The following SIDT1 variants were observed in gnomAD, a reference collection of about 807,000 sequenced individuals.
SIDT1 encodes the protein SID1 transmembrane family member 1, also known as SID1 transmembrane family, member 1.
A neutral mutation model predicts 107.5 loss-of-function variants in SIDT1; 101 were observed. The ratio of observed to expected loss-of-function variants is 0.94; its 90% confidence interval spans 0.80 to 1.11. SIDT1 has a LOEUF of 1.11. Ranked by LOEUF, SIDT1 falls within the 50% of genes least tolerant of loss-of-function variation. SIDT1 has a pLI of 0.00. For synonymous variants in SIDT1, 395 were observed against 398.2 expected (o/e 0.99, Z 0.10); for missense variants, 1,076 against 1,058.2 (o/e 1.02, Z -0.23).
At chr3:113,585,405 T>C (rs1401294786) in intron 9 of SIDT1, 135 bp downstream of exon 9, 1 of 690,712 alleles carries the variant, frequency 1.4e-6, no homozygotes, top group African/African-American at 1.8e-5. Context: ...GGATACCTTG[T>C]GACCTTGGAG....
intron 1 of SIDT1, among the ~76,000 whole-genome samples, chr3:113,563,182 A>G (rs188432617): frequency 6.6e-6 from 1 of 152,360 alleles, no homozygotes; most frequent in Admixed American, 6.5e-5. Flanking sequence ...AAGGCACAGA[A>G]GACATCAAGA....
At chr3:113,542,320 T>C (rs1432923868) in intron 1 of SIDT1, among the ~76,000 whole-genome samples, 1 of 152,228 alleles carries the variant, frequency 6.6e-6, no homozygotes, top group African/African-American at 2.4e-5. Context: ...GTTTTTAGTA[T>C]TAGTTTGTTC....
intron 20 of SIDT1, among the ~76,000 whole-genome samples, chr3:113,618,556 G>C (rs1305659568): frequency 6.6e-6 from 1 of 152,222 alleles, no homozygotes; most frequent in African/African-American, 2.4e-5. Flanking sequence ...GAGTGTTACT[G>C]TTGCTCCACA....
At chr3:113,631,621 T>C (rs1260632313), downstream of SIDT1, among the ~76,000 whole-genome samples, 1 of 152,226 alleles carries the variant, frequency 6.6e-6, no homozygotes, top group East Asian at 1.9e-4. Flanking sequence ...TGTTAAATCT[T>C]AGGCCTTAAC....
At chr3:113,584,822 T>C in intron 8 of SIDT1, 53 bp downstream of exon 8, 1 of 1,255,800 alleles carries the variant, frequency 8.0e-7, no homozygotes. Flanking sequence ...AGAAAATCAG[T>C]CATATAATTT....
chr3:113,533,078 G>A lies in SIDT1; in HGVS notation c.57G>A (p.Ala19=). The stretch of plus-strand genomic sequence containing the variant: ...GCGCGCTGCCCTGGCTCCTGCTGGC[G>A]GCGTCGCCCGGGCACCCGGCGAAAT... ...LLCALPWLLL[A]ASPGHPAKSP... is the part of the protein sequence containing the mutation. Residue 19 remains alanine, a synonymous_variant, in exon 1 of 25, where the codon GCG becomes GCA. Coordinates refer to ENST00000264852, the MANE Select transcript of SIDT1 (RefSeq NM_017699.3). 4 of 1,500,848 alleles carry A rather than the reference G, an allele frequency of 2.7e-6. No homozygotes were observed. The highest frequency in any genetic ancestry group is 3.6e-6 in the Non-Finnish European group (4 of 1,124,932). The allele number at this position is 1,500,848 out of a possible 1,614,324, so 93.0% of individuals were successfully genotyped here.
intron 24 of SIDT1, 133 bp from the exon 25 acceptor site, chr3:113,627,513 C>T (rs1223258763): frequency 1.4e-6 from 1 of 720,994 alleles, no homozygotes; most frequent in Non-Finnish European, 2.4e-6. Context: ...CAAAGGATTG[C>T]AGAGAGCTGC....
chr3:113,540,173 G>C (rs1938648908), intron 1 of SIDT1, among the ~76,000 whole-genome samples: 1 of 152,088 alleles, frequency 6.6e-6, no homozygotes, highest in African/African-American at 2.4e-5. Context: ...GGAGGTGCCA[G>C]GCTCTTTTGA....
Position 113,532,994 on chromosome 3 carries a change from G to A in SIDT1, c.-28G>A. ...CTCGCCCCCTCCCCAGGGTGGCTCC[G>A]CTTTCGAGCCCGGGCGCGGTGCCCA... On this transcript the variant is annotated 5_prime_UTR_variant, in exon 1 of 25. Coordinates refer to ENST00000264852, the MANE Select transcript of SIDT1 (RefSeq NM_017699.3). 2 of 1,334,582 alleles carry A rather than the reference G, an allele frequency of 1.5e-6. No individual in the cohort carries two copies. The highest frequency in any genetic ancestry group is 1.9e-6 in the Non-Finnish European group (2 of 1,045,666). The allele number at this position is 1,334,582 out of a possible 1,614,324, so 82.7% of individuals were successfully genotyped here.
downstream of SIDT1, chr3:113,632,572 C>G (rs959345430): frequency 6.6e-6 from 1 of 152,164 alleles, no homozygotes; most frequent in Non-Finnish European, 1.5e-5. Context: ...CCCCTTTATC[C>G]TCTCATCACA....
Position 113,627,790 on chromosome 3 carries a change from C to A in SIDT1, c.*82C>A. 1 of 1,304,388 alleles carries A rather than the reference C, an allele frequency of 7.7e-7. No homozygotes were observed. The highest frequency in any genetic ancestry group is 1.1e-6 in the Non-Finnish European group (1 of 902,990). The allele number at this position is 1,304,388 out of a possible 1,614,324, so 80.8% of individuals were successfully genotyped here. ...ATTACAGTGACCACAGCAAAGTAACCACTGCCAGATGCTCCACTCACCCTC... is the reference window on the plus strand; with the variant it reads ...ATTACAGTGACCACAGCAAAGTAACAACTGCCAGATGCTCCACTCACCCTC... On this transcript the variant is annotated 3_prime_UTR_variant, in exon 25 of 25. Coordinates refer to ENST00000264852, the MANE Select transcript of SIDT1 (RefSeq NM_017699.3).
At chr3:113,615,533 CT>C (rs1322670142) in intron 19 of SIDT1, among the ~76,000 whole-genome samples, 1 of 152,196 alleles carries the variant, frequency 6.6e-6, no homozygotes, top group Non-Finnish European at 1.5e-5. Flanking sequence ...AAAAACTTTC[CT>C]GTCTTTTTCT....
In SIDT1 at chr3:113,612,087, T is replaced by C. The variant is rs200231010; in HGVS notation, c.1859T>C (p.Val620Ala). The change falls in exon 19 of 25, where the codon GTG becomes GCG. Residue 620 changes from valine to alanine, a missense_variant and splice_region_variant. Physicochemically the swap from Val to Ala is moderately conservative, Grantham distance 64. Transcript: ENST00000264852. ...GGTAACTTCCATCTTTACTCCTAGGTGTTTGGAAAAAATGACGTATGGTTC... is the reference window on the plus strand; with the variant it reads ...GGTAACTTCCATCTTTACTCCTAGGCGTTTGGAAAAAATGACGTATGGTTC... The part of the protein sequence containing the change: ...VVIMVTVLGV[V>A]FGKNDVWFWV... The C allele has an allele frequency of 2.0e-5, 33 of 1,613,066 alleles. No homozygotes were observed. Among genetic ancestry groups the C allele is most frequent in the African/African-American group, 2.7e-5 (2 of 74,982 alleles).
At chr3:113,585,128 T>C (rs780057206) in intron 8 of SIDT1, 49 bp from the exon 9 acceptor site, 1 of 1,314,968 alleles carries the variant, frequency 7.6e-7, no homozygotes, top group African/African-American at 1.5e-5. Flanking sequence ...AGATGGAGTC[T>C]TCTTTTCTGC....
chr3:113,570,916 A>C (rs1256408212), intron 3 of SIDT1, among the ~76,000 whole-genome samples: 1 of 152,224 alleles, frequency 6.6e-6, no homozygotes, highest in African/African-American at 2.4e-5. Context: ...ATTTTTACAG[A>C]TGAGCAAACT....
intron 1 of SIDT1, among the ~76,000 whole-genome samples, chr3:113,566,085 G>A (rs898432362): frequency 6.6e-6 from 1 of 152,154 alleles, no homozygotes; most frequent in Non-Finnish European, 1.5e-5. Context: ...CTTGCTGTTT[G>A]AAGACTTTAT....
At chr3:113,571,512 A>ACACACACACACACACACACAC (rs1553789387) in intron 3 of SIDT1, among the ~76,000 whole-genome samples, 3 of 151,978 alleles carry the variant, frequency 2.0e-5, no homozygotes, top group Admixed American at 6.6e-5. Flanking sequence ...ACACACACAT[A>ACACACACACACACACACACAC]AACTGTGCCA....
At chr3:113,577,419 G>T (rs541941837) in intron 4 of SIDT1, among the ~76,000 whole-genome samples, 2 of 152,118 alleles carry the variant, frequency 1.3e-5, no homozygotes, top group Non-Finnish European at 2.9e-5. Flanking sequence ...GAAATACAAC[G>T]AAAATAAGAC....
chr3:113,604,999 C>G (rs756213171), intron 14 of SIDT1, 23 bp downstream of exon 14: 1 of 1,612,896 alleles, frequency 6.2e-7, no homozygotes, highest in East Asian at 2.2e-5. Context: ...CCAGCCCCAG[C>G]CCCAGAGTCC....
Sources: allele counts gnomAD v4.1 joint callset (sites outside exome capture counted in the v4.1 genomes callset), GRCh38; gene constraint gnomAD v4.1.1; transcripts MANE v1.5; gene names NCBI Gene and HGNC (gene_info 2026-07-23, HGNC 2026-07-21).